Variants in NME7 observed in about 807,000 individuals in gnomAD.
NME7 encodes the protein NME/NM23 family member 7.
In NME7, 41 loss-of-function variants were observed where a neutral mutation model predicts 49.1. That is an observed-to-expected ratio of 0.83 (90% confidence interval 0.65 to 1.08). The LOEUF is 1.08. Among genes scored for constraint, NME7 ranks in the 50% least tolerant of loss-of-function variants. The pLI is 0.00. For missense variants in NME7, 423 were observed against 463.4 expected (o/e 0.91, Z 0.80); for synonymous variants, 139 against 150.6 (o/e 0.92, Z 0.56).
intron 10 of NME7, among the ~76,000 whole-genome samples, chr1:169,195,142 T>C (rs1571281477): frequency 6.6e-6 from 1 of 152,208 alleles, no homozygotes; most frequent in Non-Finnish European, 1.5e-5. Flanking sequence ...CAATTCAAGA[T>C]GGAACCAGGT....
chr1:169,260,169 GAGTA>G lies in NME7; in HGVS notation c.755-22486_755-22483del, dbSNP rs370861158. On this transcript the variant is annotated intron_variant, in intron 7 of 11. Coordinates refer to ENST00000367811, the MANE Select transcript of NME7 (RefSeq NM_013330.5). Reference sequence around the variant, plus strand: ...AGAACTTTGAACCATAGGTTTTCTAGAGTAAGTAAGATGTGTGAATATATAGAAA... The same window carrying G: ...AGAACTTTGAACCATAGGTTTTCTAGAGTAAGATGTGTGAATATATAGAAA... 8.2e-3 allele frequency among the ~76,000 whole-genome samples: 1,102 copies of G among 133,754 alleles called. 130 individuals are homozygous for G. Among genetic ancestry groups the G allele is most frequent in the African/African-American group, 0.025 (1,009 of 39,612 alleles). 87.7% of individuals were successfully genotyped at this position (133,754 alleles called of 152,430 possible). A position where few individuals can be genotyped will look rare whatever the true frequency, so the allele number is the denominator to read the frequency against.
chr1:169,184,881 C>G (rs1223941317), intron 10 of NME7, among the ~76,000 whole-genome samples: 1 of 152,092 alleles, frequency 6.6e-6, no homozygotes, highest in African/African-American at 2.4e-5. Context: ...AATATTCCTA[C>G]CAAGGCAGAG....
At chr1:169,290,164 C>G (rs1486696417) in intron 6 of NME7, among the ~76,000 whole-genome samples, 2 of 152,042 alleles carry the variant, frequency 1.3e-5, no homozygotes, top group East Asian at 1.9e-4. Flanking sequence ...GGTAATTTCA[C>G]TAAAGCATTT....
In NME7 at chr1:169,323,295, C is replaced by G; in HGVS notation, c.112-12G>C. On this transcript the variant is annotated splice_polypyrimidine_tract_variant and intron_variant, in intron 2 of 11. Coordinates refer to ENST00000367811, the MANE Select transcript of NME7 (RefSeq NM_013330.5). Reference sequence around the variant, plus strand: ...TTCTTTACATCATGCTAGAACCAGACACAACAATATAACAAACAAACAAAA... The same window carrying G: ...TTCTTTACATCATGCTAGAACCAGAGACAACAATATAACAAACAAACAAAA... 6.5e-7 allele frequency: 1 copy of G among 1,545,196 alleles called. No individual in the cohort carries two copies. The highest frequency in any genetic ancestry group is 8.7e-7 in the Non-Finnish European group (1 of 1,148,804).
intron 10 of NME7, among the ~76,000 whole-genome samples, chr1:169,193,929 C>A (rs1660302236): frequency 6.7e-6 from 1 of 148,584 alleles, no homozygotes. Flanking sequence ...TGAATGCAGC[C>A]AAAGAGCAGT....
At chr1:169,306,687 C>A (rs1481863482) in intron 4 of NME7, among the ~76,000 whole-genome samples, 1 of 152,082 alleles carries the variant, frequency 6.6e-6, no homozygotes, top group Non-Finnish European at 1.5e-5. Flanking sequence ...ATCATATGGA[C>A]ATGCATGGGA....
At chr1:169,246,563 A>G (rs2101839806) in intron 7 of NME7, among the ~76,000 whole-genome samples, 1 of 152,324 alleles carries the variant, frequency 6.6e-6, no homozygotes, top group Admixed American at 6.5e-5. Flanking sequence ...AACAAGCTGT[A>G]CATTCCTTAC....
At chr1:169,253,982 T>C (rs1458393235) in intron 7 of NME7, among the ~76,000 whole-genome samples, 1 of 151,412 alleles carries the variant, frequency 6.6e-6, no homozygotes, top group African/African-American at 2.4e-5. Context: ...TTATTGAGGA[T>C]TTTTGCATCA....
chr1:169,158,538 T>C (rs765236097), intron 11 of NME7, among the ~76,000 whole-genome samples: 17 of 152,146 alleles, frequency 1.1e-4, no homozygotes, highest in Non-Finnish European at 2.5e-4. Flanking sequence ...CTCTACTCTA[T>C]AGATATAAGG....
At chr1:169,151,528 C>T (rs1050060368) in intron 11 of NME7, among the ~76,000 whole-genome samples, 1 of 152,120 alleles carries the variant, frequency 6.6e-6, no homozygotes, top group Non-Finnish European at 1.5e-5. Context: ...GGGCTCAGAG[C>T]TGGACTTGGT....
chr1:169,347,108 G>A (rs1652977791), intron 1 of NME7, among the ~76,000 whole-genome samples: 2 of 152,156 alleles, frequency 1.3e-5, no homozygotes, highest in African/African-American at 4.8e-5. Context: ...CTACTCAGGA[G>A]GCTGAGGCAC....
intron 3 of NME7, among the ~76,000 whole-genome samples, chr1:169,310,930 C>CA (rs901773453): frequency 4.6e-5 from 7 of 152,158 alleles, no homozygotes; most frequent in African/African-American, 9.7e-5. Flanking sequence ...ATACTATTTG[C>CA]AAATGCAACA....
chr1:169,342,591 CAAGTACATATATATAGTATATATATAT>C (rs1652767037), intron 1 of NME7, among the ~76,000 whole-genome samples: 2 of 54,246 alleles, frequency 3.7e-5, no homozygotes, highest in African/African-American at 5.7e-5. Flanking sequence ...TATATATATA[CAAGTACATATATATAGTATATATATAT>C]ACAAGTACAT....
chr1:169,296,118 C>A (rs747411422), intron 6 of NME7, among the ~76,000 whole-genome samples: 4 of 152,096 alleles, frequency 2.6e-5, no homozygotes, highest in Admixed American at 6.6e-5. Flanking sequence ...CAGCTACCAC[C>A]TCATCTCTTT....
chr1:169,172,180 G>A (rs1443153011), intron 10 of NME7, among the ~76,000 whole-genome samples: 1 of 151,620 alleles, frequency 6.6e-6, no homozygotes, highest in Non-Finnish European at 1.5e-5. Flanking sequence ...ACCCCTTCTG[G>A]AGCAGTTCTC....
At chr1:169,213,844 T>C (rs192360349) in intron 10 of NME7, among the ~76,000 whole-genome samples, 116 of 151,214 alleles carry the variant, frequency 7.7e-4, no homozygotes, top group African/African-American at 2.3e-3. Context: ...TATATATATA[T>C]ACACACAAAC....
chr1:169,143,753 T>C (rs1428920476), intron 11 of NME7, among the ~76,000 whole-genome samples: 2 of 152,176 alleles, frequency 1.3e-5, no homozygotes, highest in African/African-American at 4.8e-5. Flanking sequence ...CTTCCATTCA[T>C]TGCACTGACA....
chr1:169,260,510 G>C lies in NME7; in HGVS notation c.755-22823C>G, dbSNP rs1462179423. On this transcript the variant is annotated intron_variant, in intron 7 of 11. Transcript: ENST00000367811. Reference sequence around the variant, plus strand: ...GTTTTCATGTTTTAAAACATATCTTGATAAAGTAACATCATGTGTTCTGAA... The same window carrying C: ...GTTTTCATGTTTTAAAACATATCTTCATAAAGTAACATCATGTGTTCTGAA... Among the ~76,000 whole-genome samples the C allele has an allele frequency of 2.3e-5, 3 of 130,174 alleles. 1 individual carries two copies. Among genetic ancestry groups the C allele is most frequent in the East Asian group, 2.0e-4 (1 of 4,960 alleles). 85.4% of individuals were successfully genotyped at this position (130,174 alleles called of 152,430 possible). A position where few individuals can be genotyped will look rare whatever the true frequency, so the allele number is the denominator to read the frequency against.
chr1:169,156,318 T>TA (rs948231367), intron 11 of NME7, among the ~76,000 whole-genome samples: 16 of 147,322 alleles, frequency 1.1e-4, no homozygotes, highest in East Asian at 8.1e-4. Flanking sequence ...TCAAAAAAAT[T>TA]AAAAAAAAAA....
Sources: gnomAD v4.1 joint callset for allele counts (sites outside exome capture counted in the v4.1 genomes callset) on GRCh38, gnomAD v4.1.1 for gene constraint, MANE v1.5 for transcripts, NCBI Gene and HGNC (gene_info 2026-07-23, HGNC 2026-07-21) for gene names.